The following CLCA1 variants were observed in gnomAD, a reference collection of about 807,000 sequenced individuals.
The protein encoded by CLCA1 is chloride channel accessory 1, also known as calcium-activated chloride channel regulator 1.
In CLCA1, 59 loss-of-function variants were observed where a neutral mutation model predicts 85.6. The observed-to-expected ratio is 0.69, with a 90% CI of 0.56 to 0.86. CLCA1 has a LOEUF of 0.86. CLCA1 is among the 40% of genes least tolerant of loss of function. The pLI, the probability that CLCA1 is intolerant of heterozygous loss-of-function variation, is 0.00. For missense variants in CLCA1, 1,022 were observed against 1,101.4 expected (o/e 0.93, Z 1.02); for synonymous variants, 396 against 398.3 (o/e 0.99, Z 0.07).
intron 12 of CLCA1, among the ~76,000 whole-genome samples, chr1:86,497,129 A>G (rs5744422): frequency 1.3e-5 from 2 of 152,200 alleles, no homozygotes; most frequent in Non-Finnish European, 2.9e-5. Context: ...AATATATTTC[A>G]TTCTTGTAAG....
chr1:86,478,669 T>C (rs1570281570), intron 4 of CLCA1, among the ~76,000 whole-genome samples: 1 of 152,216 alleles, frequency 6.6e-6, no homozygotes, highest in African/African-American at 2.4e-5. Flanking sequence ...CACCATATAT[T>C]GCCTTGGCAG....
intron 4 of CLCA1, among the ~76,000 whole-genome samples, chr1:86,478,094 A>G (rs944906744): frequency 6.6e-6 from 1 of 152,138 alleles, no homozygotes; most frequent in Non-Finnish European, 1.5e-5. Context: ...GCCCATTTCC[A>G]TTATATTATG....
intron 9 of CLCA1, among the ~76,000 whole-genome samples, chr1:86,492,912 G>A (rs990251207): frequency 5.9e-5 from 9 of 152,180 alleles, no homozygotes; most frequent in African/African-American, 1.9e-4. Flanking sequence ...GATGAATGTC[G>A]AAGGATTGAT....
At chr1:86,479,053 A>G (rs1325977563) in intron 4 of CLCA1, among the ~76,000 whole-genome samples, 2 of 152,242 alleles carry the variant, frequency 1.3e-5, no homozygotes, top group Non-Finnish European at 2.9e-5. Context: ...CCAATGTAAT[A>G]AAACTGGGGA....
At chr1:86,490,034 T>C (rs562447431) in intron 8 of CLCA1, among the ~76,000 whole-genome samples, 1 of 152,296 alleles carries the variant, frequency 6.6e-6, no homozygotes, top group Admixed American at 6.5e-5. Context: ...GCAGACCTAG[T>C]CGGAGTCTAG....
chr1:86,499,447 G>C (rs1344820317), intron 13 of CLCA1, among the ~76,000 whole-genome samples: 1 of 152,178 alleles, frequency 6.6e-6, no homozygotes, highest in Non-Finnish European at 1.5e-5. Flanking sequence ...GCTTATCACT[G>C]TGTCATTATA....
At position 86,474,839 on chromosome 1, in the gene CLCA1, T is replaced by A. The variant is rs573592749; in HGVS notation, c.451+963T>A. 1.2e-4 allele frequency among the ~76,000 whole-genome samples: 18 copies of A among 152,282 alleles called. No homozygotes were observed. In the East Asian group the frequency reaches 2.9e-3, roughly 24 times the overall value. On this transcript the variant is annotated intron_variant, in intron 3 of 13. Transcript: ENST00000394711. ...ATATATAAAATGTACTTTCCAAGAATCAAATGTGACTCTTTACTAAATAAC... is the reference window on the plus strand; with the variant it reads ...ATATATAAAATGTACTTTCCAAGAAACAAATGTGACTCTTTACTAAATAAC...
chr1:86,489,157 G>A lies in CLCA1; in HGVS notation c.1344G>A (p.Leu448=), dbSNP rs1648071092. The change falls in exon 8 of 14, where the codon CTG becomes CTA. Residue 448 remains leucine (L), a synonymous_variant. Coordinates refer to ENST00000394711, the MANE Select transcript of CLCA1 (RefSeq NM_001285.4). ...GPSAAQELEE[L]SKMTGGLQTY... ...CTGCAGCTCAAGAACTAGAGGAGCT[G>A]TCCAAAATGACAGGTGAGGGATGAT... 6.2e-7 allele frequency: 1 copy of A among 1,613,794 alleles called. No individual in the cohort carries two copies.
intron 1 of CLCA1, among the ~76,000 whole-genome samples, chr1:86,470,637 T>C (rs1647476199): frequency 6.6e-6 from 1 of 152,208 alleles, no homozygotes; most frequent in South Asian, 2.1e-4. Context: ...GTCTTTCCAG[T>C]ATGGATCCTA....
intron 12 of CLCA1, 28 bp downstream of exon 12, chr1:86,495,703 C>G (rs1288053921): frequency 6.3e-7 from 1 of 1,582,802 alleles, no homozygotes; most frequent in African/African-American, 1.3e-5. Flanking sequence ...ACATACCTGG[C>G]TTGTGCAAAA....
chr1:86,481,124 T>A (rs1352803008), intron 4 of CLCA1, among the ~76,000 whole-genome samples: 1 of 152,134 alleles, frequency 6.6e-6, no homozygotes, highest in African/African-American at 2.4e-5. Context: ...ATTATTAAGA[T>A]CACATTTTGA....
intron 4 of CLCA1, among the ~76,000 whole-genome samples, chr1:86,478,841 TA>T (rs1647746742): frequency 2.0e-5 from 3 of 152,232 alleles, no homozygotes; most frequent in Admixed American, 2.0e-4. Context: ...TCCAAATTTT[TA>T]AATTATTTTT....
At chr1:86,478,881 A>G (rs1487903548) in intron 4 of CLCA1, among the ~76,000 whole-genome samples, 1 of 152,240 alleles carries the variant, frequency 6.6e-6, no homozygotes, top group African/African-American at 2.4e-5. Context: ...CACAAATAAC[A>G]GCACTGCCCA....
chr1:86,482,240 A>C lies in CLCA1; in HGVS notation c.593A>C (p.Lys198Thr), dbSNP rs571398985. 4.3e-6 allele frequency: 7 copies of C among 1,614,032 alleles called. No homozygotes were observed. Among genetic ancestry groups the C allele is most frequent in the Non-Finnish European group, 5.9e-6 (7 of 1,179,898 alleles). Reference sequence around the variant, plus strand: ...GGTATTACTGGTACAAATGTAGTAAAGAAGTGTCAGGGAGGCAGCTGTTAC... The same window carrying C: ...GGTATTACTGGTACAAATGTAGTAACGAAGTGTCAGGGAGGCAGCTGTTAC... Reference protein sequence around the residue: ...SAGITGTNVVKKCQGGSCYTK... With the variant: ...SAGITGTNVVTKCQGGSCYTK... The change falls in exon 5 of 14, where the codon AAG becomes ACG. Residue 198 changes from lysine (K) to threonine (T), a missense_variant. Lys to Thr is a moderately conservative substitution (Grantham distance 78, BLOSUM62 -1). Coordinates refer to ENST00000394711, the MANE Select transcript of CLCA1 (RefSeq NM_001285.4).
Position 86,472,031 on chromosome 1 carries a change from T to TC in CLCA1, c.163-1386_163-1385insC, listed in dbSNP as rs1647515356. 2.6e-5 allele frequency among the ~76,000 whole-genome samples: 4 copies of TC among 151,594 alleles called. No individual in the cohort carries two copies. The South Asian group carries it at 8.4e-4, about 32-fold the overall frequency. On this transcript the variant is annotated intron_variant, in intron 1 of 13. Transcript: ENST00000394711. Reference sequence around the variant, plus strand: ...CCTTTTTCTTTTACATTTTTGTTTTTTTTTTCATTAGCATAGAAATATTTT... The same window carrying TC: ...CCTTTTTCTTTTACATTTTTGTTTTTCTTTTTCATTAGCATAGAAATATTTT...
intron 7 of CLCA1, among the ~76,000 whole-genome samples, chr1:86,488,704 T>C (rs868142034): frequency 6.6e-6 from 1 of 152,282 alleles, no homozygotes; most frequent in East Asian, 1.9e-4. Context: ...TGAAGGAAAC[T>C]AGGAACACCT....
chr1:86,485,253 T>G (rs939347311), intron 5 of CLCA1, 90 bp from the exon 6 acceptor site: 2 of 942,342 alleles, frequency 2.1e-6, no homozygotes, highest in African/African-American at 3.3e-5. Flanking sequence ...GCCAAGGTTA[T>G]GCATTAGCAG....
intron 5 of CLCA1, 127 bp downstream of exon 5, chr1:86,482,509 C>G (rs1647847027): frequency 1.3e-5 from 11 of 878,268 alleles, no homozygotes; most frequent in Non-Finnish European, 1.7e-5. Flanking sequence ...ATCTCTGGGA[C>G]AAGCTGGGTG....
rs1648421816 is a variant in CLCA1, at chr1:86,500,231, G to A, written c.*186G>A. The A allele has an allele frequency of 4.0e-6, 2 of 497,394 alleles. No homozygotes were observed. The highest frequency in any genetic ancestry group is 3.0e-5 in the East Asian group (1 of 32,994). 30.8% of individuals were successfully genotyped at this position (497,394 alleles called of 1,614,324 possible). On this transcript the variant is annotated 3_prime_UTR_variant, in exon 14 of 14. Transcript: ENST00000394711. ...GTATTTTAGACTTCCTGTAGGGGGC[G>A]ATAAAATAAAATGCTAAACAACTGG...
Sources: gnomAD v4.1 joint callset for allele counts (sites outside exome capture counted in the v4.1 genomes callset) on GRCh38, gnomAD v4.1.1 for gene constraint, MANE v1.5 for transcripts, NCBI Gene and HGNC (gene_info 2026-07-23, HGNC 2026-07-21) for gene names.